The following DSCAM variants were observed in gnomAD, a reference collection of about 807,000 sequenced individuals.
DSCAM encodes DS cell adhesion molecule.
In DSCAM, 47 loss-of-function variants were observed where a neutral mutation model predicts 217.7. The ratio of observed to expected loss-of-function variants is 0.22; its 90% CI spans 0.17 to 0.28. The LOEUF is 0.28. Among genes scored for constraint, DSCAM ranks in the 10% least tolerant of loss-of-function variants. The pLI, the probability that DSCAM is intolerant of heterozygous loss-of-function variation, is 1.00. For missense variants in DSCAM, 2,080 were observed against 2,618.3 expected (o/e 0.79, Z 4.49); for synonymous variants, 1,056 against 1,015.3 (o/e 1.04, Z -0.76).
At chr21:40,619,371 T>C (rs1189053703) in intron 3 of DSCAM, among the ~76,000 whole-genome samples, 1 of 152,226 alleles carries the variant, frequency 6.6e-6, no homozygotes, top group East Asian at 1.9e-4. Flanking sequence ...TGAATTTAAT[T>C]ACTAAGGAAC....
At position 40,722,051 on chromosome 21, in the gene DSCAM, G is replaced by GA. The variant is rs531172616; in HGVS notation, c.44-13281dup. 2.0e-3 allele frequency among the ~76,000 whole-genome samples: 298 copies of GA among 152,046 alleles called. 2 individuals are homozygous for GA. Among genetic ancestry groups the GA allele is most frequent in the Middle Eastern group, 3.4e-3 (1 of 294 alleles). ...ATTTTTTTAAAAAAAAGACAGGAAA[G>GA]AAAAACTGTCAACCTAAAGCTCTAT... On this transcript the variant is annotated intron_variant, in intron 1 of 32. Coordinates refer to ENST00000400454, the MANE Select transcript of DSCAM (RefSeq NM_001389.5).
intron 14 of DSCAM, among the ~76,000 whole-genome samples, chr21:40,185,420 G>A (rs2090882822): frequency 6.6e-6 from 1 of 152,170 alleles, no homozygotes; most frequent in African/African-American, 2.4e-5. Flanking sequence ...CACAGGCTGG[G>A]TCCCAAATCA....
In DSCAM at chr21:40,075,029, G is replaced by A. The variant is rs780235810; in HGVS notation, c.4888+8C>T. On this transcript the variant is annotated splice_region_variant and intron_variant, in intron 27 of 32. Coordinates refer to ENST00000400454, the MANE Select transcript of DSCAM (RefSeq NM_001389.5). ...CACGCGTAGGTGGACAGCTGGGCCT[G>A]GACCTACCTCGCAGCCTCTTTAGCC... 4 of 1,613,902 alleles carry A rather than the reference G, an allele frequency of 2.5e-6. No homozygotes were observed. Among genetic ancestry groups the A allele is most frequent in the Non-Finnish European group, 3.4e-6 (4 of 1,179,956 alleles).
chr21:40,060,177 C>G (rs1462019771), intron 28 of DSCAM, among the ~76,000 whole-genome samples: 1 of 152,200 alleles, frequency 6.6e-6, no homozygotes, highest in Non-Finnish European at 1.5e-5. Flanking sequence ...ACTGGCTTTA[C>G]TCTTCCTAAT....
chr21:40,536,705 C>A (rs1306768420), intron 3 of DSCAM, among the ~76,000 whole-genome samples: 1 of 152,132 alleles, frequency 6.6e-6, no homozygotes, highest in African/African-American at 2.4e-5. Context: ...TGCACCCGGT[C>A]CCGGTAGATT....
chr21:40,675,704 A>G (rs112615453), intron 3 of DSCAM, among the ~76,000 whole-genome samples: 1 of 152,230 alleles, frequency 6.6e-6, no homozygotes, highest in African/African-American at 2.4e-5. Flanking sequence ...CTGGATTTTT[A>G]CATCCTATAT....
chr21:40,520,689 C>A (rs1033055786), intron 3 of DSCAM, among the ~76,000 whole-genome samples: 1 of 152,046 alleles, frequency 6.6e-6, no homozygotes, highest in Non-Finnish European at 1.5e-5. Context: ...TGCCTGTAGT[C>A]CCAGCTACTC....
Position 40,387,049 on chromosome 21 carries a change from A to G in DSCAM, c.509-17804T>C, listed in dbSNP as rs527778711. ...AGCAACTTCCATTTCTGACTATGTA[A>G]AAAACTAATTATTTTGAAAACTCTC... On this transcript the variant is annotated intron_variant, in intron 3 of 32. Transcript: ENST00000400454. Among the ~76,000 whole-genome samples, 18 of 152,280 alleles carry G rather than the reference A, an allele frequency of 1.2e-4. 1 individual carries two copies. The South Asian group carries it at 3.7e-3, about 32-fold the overall frequency.
At chr21:40,567,368 T>C (rs2076772640) in intron 3 of DSCAM, among the ~76,000 whole-genome samples, 1 of 152,244 alleles carries the variant, frequency 6.6e-6, no homozygotes, top group Non-Finnish European at 1.5e-5. Context: ...GAAATGAAAG[T>C]GCCTGGTTTA....
At chr21:40,445,386 T>A (rs1457561925) in intron 3 of DSCAM, among the ~76,000 whole-genome samples, 2 of 152,224 alleles carry the variant, frequency 1.3e-5, no homozygotes, top group African/African-American at 4.8e-5. Context: ...GTGACTTAAG[T>A]GAGTCGTCTC....
At position 40,347,902 on chromosome 21, in the gene DSCAM, G is replaced by A. The variant is rs768379621; in HGVS notation, c.978C>T (p.Ser326=). The part of the protein sequence containing the change: ...ATISPRKVKS[S]VGSQVSLSCS... ...AGGACAAGGAAACTTGGCTACCCAC[G>A]CTGCTTTTAACCTTCCTGGGACTGA... Residue 326 remains serine (S), a synonymous_variant, in exon 6 of 33, where the codon AGC becomes AGT. Transcript: ENST00000400454. 3.2e-5 allele frequency: 52 copies of A among 1,613,842 alleles called. No individual in the cohort carries two copies. The highest frequency in any genetic ancestry group is 6.7e-5 in the African/African-American group (5 of 74,894).
At chr21:40,448,368 T>C (rs2075692000) in intron 3 of DSCAM, among the ~76,000 whole-genome samples, 1 of 152,142 alleles carries the variant, frequency 6.6e-6, no homozygotes, top group Non-Finnish European at 1.5e-5. Context: ...GCAATGGACA[T>C]CGCAGCTCCT....
rs1203218844 is a variant in DSCAM, at chr21:40,846,830, G to C, written c.-169C>G. ...GCCGCCCGGGCACGCGGCGCGGCCG[G>C]GCTCCGGAGCGAGGGCTGCGCTCGC... On this transcript the variant is annotated 5_prime_UTR_variant, in exon 1 of 33. Transcript: ENST00000400454. 1 of 155,306 alleles carries C rather than the reference G, an allele frequency of 6.4e-6. No individual in the cohort carries two copies. Among genetic ancestry groups the C allele is most frequent in the African/African-American group, 2.4e-5 (1 of 41,098 alleles). 9.6% of individuals were successfully genotyped at this position (155,306 alleles called of 1,614,324 possible). A position where few individuals can be genotyped will look rare whatever the true frequency, so the allele number is the denominator to read the frequency against.
intron 3 of DSCAM, among the ~76,000 whole-genome samples, chr21:40,480,374 T>G (rs1174193890): frequency 1.3e-5 from 2 of 152,180 alleles, no homozygotes; most frequent in African/African-American, 4.8e-5. Context: ...CTGGTATTCT[T>G]CCCTTTAAAA....
At chr21:40,207,369 G>A (rs1347238200) in intron 11 of DSCAM, among the ~76,000 whole-genome samples, 1 of 152,156 alleles carries the variant, frequency 6.6e-6, no homozygotes, top group Non-Finnish European at 1.5e-5. Context: ...TGGGGTGCTG[G>A]CACTCTAGTC....
intron 3 of DSCAM, among the ~76,000 whole-genome samples, chr21:40,602,512 C>T (rs2077070095): frequency 6.6e-6 from 1 of 152,064 alleles, no homozygotes; most frequent in East Asian, 1.9e-4. Context: ...TTGATATAGG[C>T]CCATTCAGAA....
At chr21:40,107,440 T>C (rs944471413) in intron 20 of DSCAM, among the ~76,000 whole-genome samples, 7 of 152,174 alleles carry the variant, frequency 4.6e-5, no homozygotes, top group African/African-American at 1.7e-4. Flanking sequence ...GAAGAATGTA[T>C]ATTCTGTTGT....
intron 3 of DSCAM, among the ~76,000 whole-genome samples, chr21:40,487,744 G>C (rs1319602553): frequency 6.6e-6 from 1 of 152,158 alleles, no homozygotes; most frequent in African/African-American, 2.4e-5. Context: ...AAACATTCTA[G>C]AGAGAACCTA....
At chr21:40,638,680 A>C in intron 3 of DSCAM, among the ~76,000 whole-genome samples, 1 of 152,154 alleles carries the variant, frequency 6.6e-6, no homozygotes, top group South Asian at 2.1e-4. Context: ...GTTGTGTGTA[A>C]GCTTTAAACT....
Sources: allele counts gnomAD v4.1 joint callset (sites outside exome capture counted in the v4.1 genomes callset), GRCh38; gene constraint gnomAD v4.1.1; transcripts MANE v1.5; gene names NCBI Gene and HGNC (gene_info 2026-07-23, HGNC 2026-07-21).